The following DPP10 variants were observed in gnomAD, a reference collection of about 807,000 sequenced individuals.
DPP10 encodes the protein inactive dipeptidyl peptidase 10.
In DPP10, 33 loss-of-function variants were observed where a neutral mutation model predicts 120.9. The ratio of observed to expected loss-of-function variants is 0.27; its 90% CI spans 0.21 to 0.37. The LOEUF is 0.37. Ranked by LOEUF, DPP10 falls within the 10% of genes least tolerant of loss-of-function variation. The pLI is 1.00. For synonymous variants in DPP10, 337 were observed against 326.1 expected (o/e 1.03, Z -0.36); for missense variants, 816 against 942.8 (o/e 0.87, Z 1.76).
chr2:115,758,887 A>T (rs1056179647), intron 11 of DPP10, among the ~76,000 whole-genome samples: 1 of 152,160 alleles, frequency 6.6e-6, no homozygotes, highest in African/African-American at 2.4e-5. Context: ...TTGGATAAAA[A>T]AAATTGATGT....
At chr2:114,816,499 C>G (rs1214762035) in intron 1 of DPP10, among the ~76,000 whole-genome samples, 1 of 152,176 alleles carries the variant, frequency 6.6e-6, no homozygotes, top group Non-Finnish European at 1.5e-5. Flanking sequence ...ATTTTAATCT[C>G]AGATCAATTA....
chr2:115,195,409 C>G (rs1385835421), intron 1 of DPP10, among the ~76,000 whole-genome samples: 1 of 152,112 alleles, frequency 6.6e-6, no homozygotes, highest in African/African-American at 2.4e-5. Flanking sequence ...CAATTTTGCT[C>G]ATTTGTTTTT....
chr2:115,483,027 A>G (rs934996704), intron 3 of DPP10, among the ~76,000 whole-genome samples: 1 of 152,078 alleles, frequency 6.6e-6, no homozygotes, highest in Non-Finnish European at 1.5e-5. Context: ...TAAATAAGGA[A>G]ATTTTAATAT....
intron 3 of DPP10, among the ~76,000 whole-genome samples, chr2:115,394,560 T>A (rs1168016526): frequency 2.6e-5 from 4 of 152,100 alleles, no homozygotes; most frequent in South Asian, 2.1e-4. Context: ...TAACATTTTT[T>A]AAAAGTATTT....
At position 115,750,998 on chromosome 2, in the gene DPP10, T is replaced by C. The variant is rs575988356; in HGVS notation, c.951-2176T>C. Among the ~76,000 whole-genome samples, 125 of 152,266 alleles carry C rather than the reference T, an allele frequency of 8.2e-4. 1 individual carries two copies. Among genetic ancestry groups the C allele is most frequent in the African/African-American group, 3.0e-3 (123 of 41,564 alleles). On this transcript the variant is annotated intron_variant, in intron 10 of 25. Transcript: ENST00000410059. ...AAAATATAATATTATGGCAGGTAAT[T>C]GAGACAAATTTCTGATTATATTAGA...
chr2:114,983,593 T>C (rs1410318621), intron 1 of DPP10, among the ~76,000 whole-genome samples: 1 of 152,134 alleles, frequency 6.6e-6, no homozygotes, highest in South Asian at 2.1e-4. Flanking sequence ...CCTTTATACA[T>C]GGTTAAAGGC....
intron 5 of DPP10, among the ~76,000 whole-genome samples, chr2:115,684,711 C>A (rs1295288426): frequency 2.6e-5 from 4 of 151,752 alleles, no homozygotes; most frequent in African/African-American, 9.7e-5. Flanking sequence ...GCTCTTTTTT[C>A]TTTTAAGCTG....
intron 1 of DPP10, among the ~76,000 whole-genome samples, chr2:115,224,549 C>G (rs1414856370): frequency 6.6e-6 from 1 of 151,844 alleles, no homozygotes; most frequent in Non-Finnish European, 1.5e-5. Flanking sequence ...GGGAGATGAT[C>G]GTCAAAGGAC....
chr2:114,591,552 C>CTTTTTTTTTTTTT (rs1388048473), intron 1 of DPP10, among the ~76,000 whole-genome samples: 2 of 128,512 alleles, frequency 1.6e-5, no homozygotes, highest in African/African-American at 6.5e-5. Context: ...CAACCTCTTC[C>CTTTTTTTTTTTTT]TATTTTTTTT....
chr2:115,718,055 T>A (rs140305658), intron 7 of DPP10, among the ~76,000 whole-genome samples: 89 of 152,272 alleles, frequency 5.8e-4, no homozygotes, highest in African/African-American at 1.7e-3. Flanking sequence ...GGGTGCGTGG[T>A]CATTAATTTA....
chr2:114,872,607 T>C (rs1016020774), intron 1 of DPP10, among the ~76,000 whole-genome samples: 1 of 152,202 alleles, frequency 6.6e-6, no homozygotes, highest in African/African-American at 2.4e-5. Flanking sequence ...AGGCTTTATG[T>C]CAGAATCTGA....
intron 3 of DPP10, among the ~76,000 whole-genome samples, chr2:115,475,423 A>C (rs1240914213): frequency 6.6e-6 from 1 of 152,218 alleles, no homozygotes; most frequent in African/African-American, 2.4e-5. Flanking sequence ...CCTAGATTTC[A>C]GAGAATGTAT....
intron 7 of DPP10, among the ~76,000 whole-genome samples, chr2:115,710,798 A>G (rs1444954900): frequency 6.6e-6 from 1 of 152,108 alleles, no homozygotes; most frequent in African/African-American, 2.4e-5. Context: ...CATGCAGTTA[A>G]TAAAATATTT....
chr2:115,176,509 T>C (rs1297493796), intron 1 of DPP10, among the ~76,000 whole-genome samples: 1 of 151,996 alleles, frequency 6.6e-6, no homozygotes, highest in East Asian at 1.9e-4. Flanking sequence ...ATGCAGAAGT[T>C]GTCTTTTGAT....
chr2:115,123,557 A>G (rs1414006860), intron 1 of DPP10, among the ~76,000 whole-genome samples: 2 of 152,164 alleles, frequency 1.3e-5, no homozygotes, highest in African/African-American at 4.8e-5. Context: ...CTTGGTGCAC[A>G]TATTTGAGCC....
At chr2:115,339,985 GT>G (rs2063364630) in intron 2 of DPP10, among the ~76,000 whole-genome samples, 1 of 152,276 alleles carries the variant, frequency 6.6e-6, no homozygotes, top group East Asian at 1.9e-4. Flanking sequence ...GTATATCAAT[GT>G]CAGTTTCTTT....
intron 1 of DPP10, among the ~76,000 whole-genome samples, chr2:114,499,410 A>G (rs1682960220): frequency 6.6e-6 from 1 of 152,190 alleles, no homozygotes; most frequent in Admixed American, 6.5e-5. Context: ...GGCCTCTTTG[A>G]AGATGTCCTG....
chr2:114,795,196 C>T (rs374722278), intron 1 of DPP10, among the ~76,000 whole-genome samples: 1 of 152,034 alleles, frequency 6.6e-6, no homozygotes, highest in South Asian at 2.1e-4. Context: ...ACTGCTATGG[C>T]ATGATGAAGA....
intron 1 of DPP10, among the ~76,000 whole-genome samples, chr2:114,682,004 G>A (rs1226976275): frequency 5.3e-5 from 8 of 151,946 alleles, no homozygotes; most frequent in Non-Finnish European, 1.5e-5. Flanking sequence ...GCTCAGAAGA[G>A]ATGAGTTAAA....
Sources: allele counts gnomAD v4.1 joint callset (sites outside exome capture counted in the v4.1 genomes callset), GRCh38; gene constraint gnomAD v4.1.1; transcripts MANE v1.5; gene names NCBI Gene and HGNC (gene_info 2026-07-23, HGNC 2026-07-21).